Variants in FAM120C observed in about 807,000 individuals in gnomAD.
FAM120C encodes family with sequence similarity 120 member C.
Under a neutral mutation model 71.2 loss-of-function variants are expected in FAM120C, and 14 were observed. That is an observed-to-expected ratio of 0.20 (90% CI 0.13 to 0.31). The LOEUF is 0.31. FAM120C is among the 10% of genes least tolerant of loss of function. The pLI is 1.00. For missense variants in FAM120C, 500 were observed against 879.0 expected (o/e 0.57, Z 5.45); for synonymous variants, 354 against 353.2 (o/e 1.00, Z -0.03).
At position 54,182,674 on chromosome X, in the gene FAM120C, C is replaced by T; in HGVS notation, c.525G>A (p.Leu175=). ...CCCACTCGGCCAGCCGGTCCTTGCC[C>T]AGGCCCCCCGGGAACATGACCACGA... ...LELVVMFPGG[L]GKDRLAEWGR... Residue 175 remains leucine, a synonymous_variant, in exon 1 of 16, where the codon CTG becomes CTA. Transcript: ENST00000375180. The T allele has an allele frequency of 1.7e-6, 2 of 1,209,586 alleles. No individual in the cohort carries two copies. The highest frequency in any genetic ancestry group is 3.0e-5 in the East Asian group (1 of 33,797).
In FAM120C at chrX:54,118,127, G is replaced by A. The variant is rs782561514; in HGVS notation, c.2063-1333C>T. On this transcript the variant is annotated intron_variant, in intron 9 of 15. Transcript: ENST00000375180. ...AATCCCAGCTACTCGAGAGGCTGAGGCAGGAGAATCGCTTGAACCCAGGAG... is the reference window on the plus strand; with the variant it reads ...AATCCCAGCTACTCGAGAGGCTGAGACAGGAGAATCGCTTGAACCCAGGAG... 3.4e-3 allele frequency among the ~76,000 whole-genome samples: 370 copies of A among 109,479 alleles called. 1 individual carries two copies. The highest frequency in any genetic ancestry group is 0.011 in the African/African-American group (345 of 30,067).
chrX:54,140,351 G>T (rs1557131478), intron 4 of FAM120C, among the ~76,000 whole-genome samples: 2 of 108,727 alleles, frequency 1.8e-5, no homozygotes, highest in African/African-American at 6.7e-5. Flanking sequence ...GGGCGCGGTG[G>T]CTCACACCTG....
chrX:54,168,333 C>T (rs1343996220), intron 1 of FAM120C, among the ~76,000 whole-genome samples: 1 of 110,625 alleles, frequency 9.0e-6, no homozygotes, highest in African/African-American at 3.3e-5. Flanking sequence ...ACAGGTCTTG[C>T]TATGTTGCCC....
chrX:54,157,379 T>C (rs2067215309), intron 3 of FAM120C, among the ~76,000 whole-genome samples: 1 of 110,538 alleles, frequency 9.0e-6, no homozygotes, highest in Admixed American at 9.7e-5. Flanking sequence ...CTTAGCCTCC[T>C]GAGTAGCTGG....
intron 10 of FAM120C, among the ~76,000 whole-genome samples, chrX:54,095,408 G>A (rs1463466174): frequency 3.9e-5 from 4 of 101,815 alleles, no homozygotes; most frequent in African/African-American, 1.5e-4. Flanking sequence ...GTGTGATCAC[G>A]GGTCACTGCA....
chrX:54,085,736 C>A lies in FAM120C; in HGVS notation c.2818G>T (p.Gly940Trp). 2 of 1,211,481 alleles carry A rather than the reference C, an allele frequency of 1.7e-6. No homozygotes were observed. The highest frequency in any genetic ancestry group is 5.9e-5 in the East Asian group (2 of 33,839). ...AMGSMPLPPQ[G>W]RSRGFAGLHP... ...TGACCTGCAAATCCCCGGCTCCTCCCTTGAGGGGGAAGTGGCATGGAGCCC... is the reference window on the plus strand; with the variant it reads ...TGACCTGCAAATCCCCGGCTCCTCCATTGAGGGGGAAGTGGCATGGAGCCC... The change falls in exon 13 of 16, where the codon GGG becomes TGG. Residue 940 changes from glycine (G) to tryptophan (W), a missense_variant. Gly to Trp is a radical substitution (Grantham distance 184, BLOSUM62 -2). Around this residue, in one of 11 missense-constraint regions of FAM120C, gnomAD observed 34 missense variants for 45.2 expected, o/e 0.75. Transcript: ENST00000375180.
chrX:54,079,131 G>A (rs189885636), intron 15 of FAM120C, among the ~76,000 whole-genome samples: 39 of 109,222 alleles, frequency 3.6e-4, no homozygotes, highest in Non-Finnish European at 5.5e-4. Context: ...GCGTGGTGGC[G>A]GGTGCCTGTA....
At chrX:54,088,305 T>C (rs2066804675) in intron 11 of FAM120C, among the ~76,000 whole-genome samples, 1 of 111,566 alleles carries the variant, frequency 9.0e-6, no homozygotes, top group Non-Finnish European at 1.9e-5. Flanking sequence ...AAATGTATAT[T>C]ACATGGCCAG....
intron 4 of FAM120C, among the ~76,000 whole-genome samples, chrX:54,145,373 A>T (rs1557132268): frequency 3.6e-5 from 4 of 111,879 alleles, no homozygotes; most frequent in African/African-American, 9.7e-5. Context: ...ATCAGAGTGA[A>T]CAGGCAACCT....
At chrX:54,139,583 C>T (rs782204712) in intron 4 of FAM120C, among the ~76,000 whole-genome samples, 2 of 110,698 alleles carry the variant, frequency 1.8e-5, no homozygotes, top group South Asian at 7.7e-4. Context: ...CCTCGTGATC[C>T]GTCCATCTCG....
chrX:54,117,497 C>T (rs782428570), intron 9 of FAM120C, among the ~76,000 whole-genome samples: 3 of 107,048 alleles, frequency 2.8e-5, no homozygotes, highest in Non-Finnish European at 3.8e-5. Flanking sequence ...GAGTTCAAGA[C>T]CAGCCTGGCC....
At chrX:54,093,772 C>T (rs1348618340) in intron 10 of FAM120C, among the ~76,000 whole-genome samples, 1 of 111,356 alleles carries the variant, frequency 9.0e-6, no homozygotes, top group African/African-American at 3.3e-5. Context: ...TCATCATGTG[C>T]GATTTTTGGA....
intron 10 of FAM120C, among the ~76,000 whole-genome samples, chrX:54,115,051 G>A (rs2066960847): frequency 9.0e-6 from 1 of 111,632 alleles, no homozygotes; most frequent in Admixed American, 9.7e-5. Context: ...GAGCCACCAC[G>A]CCCAGCCAAG....
chrX:54,118,264 G>A (rs1205185914), intron 9 of FAM120C, among the ~76,000 whole-genome samples: 1 of 109,198 alleles, frequency 9.2e-6, no homozygotes, highest in Non-Finnish European at 1.9e-5. Context: ...CTCAGCATAT[G>A]CCCTTAAGAT....
intron 1 of FAM120C, among the ~76,000 whole-genome samples, chrX:54,163,884 TTGTGTGTGTGTGTG>T (rs782142864): frequency 9.7e-6 from 1 of 102,989 alleles, no homozygotes; most frequent in Admixed American, 1.0e-4. Flanking sequence ...CCTTTTTATG[TTGTGTGTGTGTGTG>T]TGTGTGTGTG....
intron 15 of FAM120C, among the ~76,000 whole-genome samples, chrX:54,077,071 G>A (rs1262143136): frequency 3.6e-5 from 4 of 110,713 alleles, no homozygotes; most frequent in African/African-American, 1.3e-4. Flanking sequence ...CAGCCTAGGT[G>A]ACTCATTAAA....
Position 54,116,673 on chromosome X carries a change from T to C in FAM120C, c.2184A>G (p.Leu728=), listed in dbSNP as rs1557126657. The C allele has an allele frequency of 8.3e-7, 1 of 1,211,747 alleles. No individual in the cohort carries two copies. The highest frequency in any genetic ancestry group is 2.2e-5 in the Admixed American group (1 of 45,959). Residue 728 remains leucine, a synonymous_variant, in exon 10 of 16, where the codon CTA becomes CTG. Coordinates refer to ENST00000375180, the MANE Select transcript of FAM120C (RefSeq NM_017848.6). ...TGTTCTTGTCTTCAACTGCTTTGCC[T>C]AGCCAGAGCTTCTTGAGGTTTGGGC... is the stretch of plus-strand genomic sequence containing the variant. ...WTCPNLKKLW[L]GKAVEDKNRR...
intron 9 of FAM120C, among the ~76,000 whole-genome samples, chrX:54,127,402 T>A (rs1242976485): frequency 9.3e-6 from 1 of 107,841 alleles, no homozygotes; most frequent in East Asian, 2.9e-4. Flanking sequence ...CCATCCTGGC[T>A]AACATGGTGA....
intron 10 of FAM120C, among the ~76,000 whole-genome samples, chrX:54,108,084 T>A (rs112738075): frequency 0.053 from 5,601 of 105,302 alleles, 122 homozygotes; most frequent in East Asian, 0.088. Context: ...CGAAGTGCTC[T>A]GCAGTTCTCT....
Sources: gnomAD v4.1 joint callset for allele counts (sites outside exome capture counted in the v4.1 genomes callset) on GRCh38, gnomAD v4.1.1 for gene constraint, gnomAD v4.1.1 regional missense constraint, MANE v1.5 for transcripts, NCBI Gene and HGNC (gene_info 2026-07-23, HGNC 2026-07-21) for gene names.